The following ZNF410 variants were observed in gnomAD, a reference collection of about 807,000 sequenced individuals.
The protein encoded by ZNF410 is zinc finger protein 410.
Under a neutral mutation model 54.8 loss-of-function variants are expected in ZNF410, and 18 were observed. That is an observed-to-expected ratio of 0.33 (90% CI 0.23 to 0.49). The LOEUF (loss-of-function observed/expected upper bound fraction) is 0.49, where lower values mean the gene tolerates loss of function less well. Among genes scored for constraint, ZNF410 ranks in the 20% least tolerant of loss-of-function variants. The probability of loss-of-function intolerance (pLI) is 0.99; values close to 1 mark genes in which losing one functional copy is unlikely to be tolerated. For missense variants in ZNF410, 405 were observed against 569.6 expected, an observed-to-expected ratio of 0.71 and a Z score of 2.94; for synonymous variants, 191 against 207.3, an observed-to-expected ratio of 0.92 and a Z score of 0.68.
intron 5 of ZNF410, among the ~76,000 whole-genome samples, chr14:73,901,308 C>T (rs998601027): frequency 6.6e-6 from 1 of 152,134 alleles, no homozygotes; most frequent in African/African-American, 2.4e-5. Context: ...CAGTGGTTCA[C>T]ACCTATAATC....
chr14:73,923,247 T>A, intron 10 of ZNF410, 148 bp from the exon 11 acceptor site: 1 of 877,998 alleles, frequency 1.1e-6, no homozygotes. Flanking sequence ...CTGATAATGC[T>A]TATCAGACAG....
At chr14:73,889,760 AAGG>A (rs2055197270) in intron 1 of ZNF410, among the ~76,000 whole-genome samples, 1 of 151,796 alleles carries the variant, frequency 6.6e-6, no homozygotes, top group South Asian at 2.1e-4. Flanking sequence ...GGAAACTTGG[AAGG>A]AGCATTTCCA....
Position 73,922,219 on chromosome 14 carries a change from A to G in ZNF410, c.1270+13A>G, listed in dbSNP as rs780407191. On this transcript the variant is annotated intron_variant, in intron 10 of 11. Transcript: ENST00000555044. Reference sequence around the variant, plus strand: ...GGAGTTGATGATGGTAAGACTTCCAACTCTCCTTTATTTGGGAAAAATGGG... The same window carrying G: ...GGAGTTGATGATGGTAAGACTTCCAGCTCTCCTTTATTTGGGAAAAATGGG... The G allele has an allele frequency of 1.3e-5, 21 of 1,610,694 alleles. 1 individual carries two copies. In the South Asian group the frequency reaches 2.3e-4, roughly 18 times the overall value.
intron 11 of ZNF410, among the ~76,000 whole-genome samples, chr14:73,929,066 T>C (rs1417751700): frequency 6.6e-6 from 1 of 152,238 alleles, no homozygotes; most frequent in Non-Finnish European, 1.5e-5. Flanking sequence ...CTGTCCTGGA[T>C]GTAGCTCAAA....
intron 5 of ZNF410, 160 bp from the exon 6 acceptor site, chr14:73,903,800 C>G: frequency 9.8e-7 from 1 of 1,016,176 alleles, no homozygotes; most frequent in Non-Finnish European, 1.4e-6. Context: ...CATGCCTGGC[C>G]AAGTTTCTGC....
chr14:73,922,342 T>C (rs537078481), intron 10 of ZNF410, 136 bp downstream of exon 10: 3 of 907,116 alleles, frequency 3.3e-6, no homozygotes, highest in African/African-American at 3.3e-5. Context: ...TGTGTTCTTA[T>C]TCTCTGGGGT....
intron 8 of ZNF410, among the ~76,000 whole-genome samples, chr14:73,917,630 C>G (rs2055688097): frequency 6.6e-6 from 1 of 152,070 alleles, no homozygotes; most frequent in Non-Finnish European, 1.5e-5. Flanking sequence ...CAAAACCAGC[C>G]TGGCCAACAT....
In ZNF410 at chr14:73,903,965, A is replaced by C; in HGVS notation, c.586A>C (p.Asn196His). 1 of 1,614,172 alleles carries C rather than the reference A, an allele frequency of 6.2e-7. No homozygotes were observed. The highest frequency in any genetic ancestry group is 8.5e-7 in the Non-Finnish European group (1 of 1,180,030). The change falls in exon 6 of 12, where the codon AAT becomes CAT. Residue 196 changes from asparagine (N) to histidine (H), a missense_variant. This residue lies in a region of ZNF410 where 247 missense variants were observed against 342.8 expected (regional missense o/e 0.72). Coordinates refer to ENST00000555044, the MANE Select transcript of ZNF410 (RefSeq NM_021188.3). ...KNAKTSSNGE[N>H]VHLGSGDGQS... ...AATATGTGACTCTGTTACAGGAGAA[A>C]ATGTCCACCTTGGTTCTGGTGATGG...
In ZNF410 at chr14:73,921,125, T is replaced by C. The variant is rs146628379; in HGVS notation, c.1129+20T>C. On this transcript the variant is annotated intron_variant, in intron 9 of 11. Coordinates refer to ENST00000555044, the MANE Select transcript of ZNF410 (RefSeq NM_021188.3). ...AAACTGGTGAGGAGGGTGGGCATAGTGGAACGCTGTACTACTTCTAGGGTT... is the reference window on the plus strand; with the variant it reads ...AAACTGGTGAGGAGGGTGGGCATAGCGGAACGCTGTACTACTTCTAGGGTT... 1,846 of 1,612,978 alleles carry C rather than the reference T, an allele frequency of 1.1e-3. 18 individuals carry two copies. The African/African-American group carries it at 0.022, about 19-fold the overall frequency.
intron 1 of ZNF410, among the ~76,000 whole-genome samples, chr14:73,891,040 G>A (rs924901899): frequency 6.6e-6 from 1 of 151,534 alleles, no homozygotes; most frequent in East Asian, 1.9e-4. Context: ...GAGAACAGCC[G>A]CATCAGGGTC....
intron 8 of ZNF410, chr14:73,920,514 G>A (rs2055740436): frequency 6.5e-6 from 1 of 154,572 alleles, no homozygotes; most frequent in Non-Finnish European, 1.4e-5. Context: ...GGGACTTGAA[G>A]ACATAGAGGA....
chr14:73,899,264 T>C (rs4398042), intron 5 of ZNF410, among the ~76,000 whole-genome samples: 50,948 of 151,692 alleles, frequency 0.34, 9,674 homozygotes, highest in Non-Finnish European at 0.42. Context: ...TCTTTTTTTT[T>C]TTTGGTCTTT....
intron 1 of ZNF410, among the ~76,000 whole-genome samples, chr14:73,888,939 A>G (rs1405874673): frequency 6.6e-6 from 1 of 152,238 alleles, no homozygotes; most frequent in Admixed American, 6.5e-5. Context: ...ACTTAGTTAT[A>G]ATATGAATAC....
At chr14:73,925,563 G>A (rs2055817528) in intron 11 of ZNF410, among the ~76,000 whole-genome samples, 2 of 152,162 alleles carry the variant, frequency 1.3e-5, no homozygotes, top group Admixed American at 6.5e-5. Flanking sequence ...GAATAGCTGG[G>A]ATTGCAGGCA....
At chr14:73,900,024 C>T (rs1161601306) in intron 5 of ZNF410, among the ~76,000 whole-genome samples, 2 of 151,936 alleles carry the variant, frequency 1.3e-5, no homozygotes, top group Non-Finnish European at 1.5e-5. Context: ...GGAGAAATCC[C>T]GTCTCTACTA....
chr14:73,911,175 C>G (rs996221076), intron 8 of ZNF410, among the ~76,000 whole-genome samples: 3 of 152,176 alleles, frequency 2.0e-5, no homozygotes, highest in African/African-American at 7.2e-5. Context: ...TTACTTTTCT[C>G]TGCTACTGCT....
chr14:73,892,165 A>C lies in ZNF410; in HGVS notation c.-11A>C. 1.2e-6 allele frequency: 2 copies of C among 1,614,012 alleles called. No individual in the cohort carries two copies. Among genetic ancestry groups the C allele is most frequent in the South Asian group, 1.1e-5 (1 of 91,062 alleles). On this transcript the variant is annotated 5_prime_UTR_variant, in exon 2 of 12. Coordinates refer to ENST00000555044, the MANE Select transcript of ZNF410 (RefSeq NM_021188.3). ...TCCCCTGAATAGCTACAGGTTTTGG[A>C]AGCTGAATCAATGTTATCAGATGAG...
intron 8 of ZNF410, chr14:73,916,095 A>G (rs1254078072): frequency 6.6e-6 from 1 of 151,106 alleles, no homozygotes; most frequent in East Asian, 1.9e-4. Context: ...ATAAATCAGT[A>G]AGAGAGAGGG....
In ZNF410 at chr14:73,932,279, G is replaced by A. The variant is rs2055927775; in HGVS notation, c.*738G>A. The A allele has an allele frequency of 3.0e-6, 1 of 333,260 alleles. No individual in the cohort carries two copies. Among genetic ancestry groups the A allele is most frequent in the East Asian group, 8.2e-5 (1 of 12,182 alleles). The allele number at this position is 333,260 out of a possible 1,614,324, so 20.6% of individuals were successfully genotyped here. ...TTAAATAAACAAAACAGCCCAGTCA[G>A]TTCTTTGGCTCTTGTTTTATACAAA... On this transcript the variant is annotated 3_prime_UTR_variant, in exon 12 of 12. Coordinates refer to ENST00000555044, the MANE Select transcript of ZNF410 (RefSeq NM_021188.3).
Sources: allele counts gnomAD v4.1 joint callset (sites outside exome capture counted in the v4.1 genomes callset), GRCh38; gene constraint gnomAD v4.1.1; regional missense constraint gnomAD v4.1.1; transcripts MANE v1.5; gene names NCBI Gene and HGNC (gene_info 2026-07-23, HGNC 2026-07-21).